Variants in NOTCH1 observed in about 807,000 individuals in gnomAD.
The protein encoded by NOTCH1 is neurogenic locus notch homolog protein 1.
In NOTCH1, 37 loss-of-function variants were observed where a neutral mutation model predicts 254.8. That is an observed-to-expected ratio of 0.15 (90% confidence interval 0.11 to 0.19). NOTCH1 has a LOEUF of 0.19. Among genes scored for constraint, NOTCH1 ranks in the 10% least tolerant of loss-of-function variants. The pLI, the probability that NOTCH1 is intolerant of heterozygous loss-of-function variation, is 1.00. For synonymous variants in NOTCH1, 1,731 were observed against 1,618.1 expected, an observed-to-expected ratio of 1.07 and a Z score of -1.68; for missense variants, 2,972 against 3,708.6, an observed-to-expected ratio of 0.80 and a Z score of 5.16.
chr9:136,541,531 G>A (rs192134599), intron 2 of NOTCH1, among the ~76,000 whole-genome samples: 1 of 152,170 alleles, frequency 6.6e-6, no homozygotes, highest in African/African-American at 2.4e-5. Flanking sequence ...AGACTCTTTC[G>A]AGAAACAGTG....
chr9:136,502,883 C>T (rs759369505), intron 27 of NOTCH1: 10 of 619,554 alleles, frequency 1.6e-5, no homozygotes, highest in Middle Eastern at 2.5e-4. Context: ...TAAAAAAAGC[C>T]GTAATGATTT....
In NOTCH1 at chr9:136,499,368, G is replaced by A. The variant is rs1331044795; in HGVS notation, c.5935-109C>T. 5.4e-6 allele frequency: 8 copies of A among 1,472,074 alleles called. No individual in the cohort carries two copies. In the Admixed American group the frequency reaches 9.7e-5, roughly 18 times the overall value. 91.2% of individuals were successfully genotyped at this position (1,472,074 alleles called of 1,614,324 possible). On this transcript the variant is annotated intron_variant, in intron 31 of 33. Coordinates refer to ENST00000651671, the MANE Select transcript of NOTCH1 (RefSeq NM_017617.5). The stretch of plus-strand genomic sequence containing the variant: ...GCCCCACTGTCTTCCGGACACAGAC[G>A]AGACCCTCCTGAGATCGGCACGGCC...
chr9:136,512,904 G>GC, intron 15 of NOTCH1, 117 bp downstream of exon 15: 60 of 558,374 alleles, frequency 1.1e-4, no homozygotes, highest in South Asian at 3.3e-4. Flanking sequence ...GGCTTCCCAG[G>GC]CCGCCCCCAC....
In NOTCH1 at chr9:136,497,367, C is replaced by A. The variant is rs1318187322; in HGVS notation, c.6372G>T (p.Leu2124=). The part of the protein sequence containing the change: ...DEYNLVRSPQ[L]HGAPLGGTPT... Reference sequence around the variant, plus strand: ...GCGTGCCCCCCAGCGGGGCTCCGTGCAGCTGCGGGCTGCGCACCAGGTTGT... The same window carrying A: ...GCGTGCCCCCCAGCGGGGCTCCGTGAAGCTGCGGGCTGCGCACCAGGTTGT... Residue 2124 remains leucine, a synonymous_variant, in exon 34 of 34, where the codon CTG becomes CTT. Transcript: ENST00000651671. The A allele has an allele frequency of 1.2e-6, 2 of 1,607,642 alleles. No homozygotes were observed. Among genetic ancestry groups the A allele is most frequent in the South Asian group, 1.1e-5 (1 of 91,030 alleles).
rs768185441 is a variant in NOTCH1 at position 136,518,099 on chromosome 9, C to A, written c.1255+38G>T. 4.5e-6 allele frequency: 7 copies of A among 1,564,690 alleles called. No homozygotes were observed. The African/African-American group carries it at 9.5e-5, about 21-fold the overall frequency. ...CTCATCGGTTCTGGGGCCAGGCTGC[C>A]ACCCCCACCTGGCCGCACCCCCTGT... is the stretch of plus-strand genomic sequence containing the variant. On this transcript the variant is annotated intron_variant, in intron 7 of 33. Coordinates refer to ENST00000651671, the MANE Select transcript of NOTCH1 (RefSeq NM_017617.5).
At position 136,513,057 on chromosome 9, in the gene NOTCH1, C is replaced by T; in HGVS notation, c.2431G>A (p.Ala811Thr). Residue 811 changes from alanine to threonine, a missense_variant, in exon 15 of 34, where the codon GCC (alanine) becomes ACC (threonine). By Grantham distance (58) the Ala-to-Thr change is moderately conservative. Transcript: ENST00000651671. This position sits in a 1 kb window ranked among gnomAD's most constrained non-coding sequence, Gnocchi z 4.7. ...AGCAGGCAGTTGCACTTGTACCCGG[C>T]AACGTCGTCAATACACGTGCCCTGG... ...LNQGTCIDDV[A>T]GYKCNCLLPY... The T allele has an allele frequency of 6.2e-7, 1 of 1,611,892 alleles. No homozygotes were observed. The highest frequency in any genetic ancestry group is 8.5e-7 in the Non-Finnish European group (1 of 1,179,708).
Position 136,510,778 on chromosome 9 carries a change from T to G in NOTCH1, c.2615A>C (p.Glu872Ala), listed in dbSNP as rs774605993. ...QGQTCEVDIN[E>A]CVLSPCRHGA... ...GTGCCGGCACGGGCTCAGAACGCAC[T>G]CGTTGATGTCGACCTCACAGGTCTG... The change falls in exon 17 of 34, where the codon GAG (glutamate) becomes GCG (alanine). Residue 872 changes from glutamate to alanine, a missense_variant. Physicochemically the swap from Glu to Ala is moderately radical, Grantham distance 107. Coordinates refer to ENST00000651671, the MANE Select transcript of NOTCH1 (RefSeq NM_017617.5). 6.2e-7 allele frequency: 1 copy of G among 1,610,068 alleles called. No individual in the cohort carries two copies. The highest frequency in any genetic ancestry group is 8.5e-7 in the Non-Finnish European group (1 of 1,179,846).
chr9:136,511,856 C>A (rs1212870209), intron 15 of NOTCH1, among the ~76,000 whole-genome samples: 1 of 152,206 alleles, frequency 6.6e-6, no homozygotes, highest in African/African-American at 2.4e-5. Context: ...TCCAGGGCCA[C>A]GCAGGGTGTC....
At chr9:136,542,544 CAAAAAA>C (rs1174860714) in intron 2 of NOTCH1, among the ~76,000 whole-genome samples, 1 of 52,506 alleles carries the variant, frequency 1.9e-5, no homozygotes, top group Non-Finnish European at 4.2e-5. Flanking sequence ...CCCCAAAAAG[CAAAAAA>C]AAAAAAAAAA....
In NOTCH1 at chr9:136,504,673, C is replaced by A; in HGVS notation, c.5018G>T (p.Gly1673Val). ...RRELDPMDVR[G>V]SIVYLEIDNR... ...ACCGTGGGCGCCGGGTCTCACTCAC[C>A]CGCGGACGTCCATGGGGTCCAGCTC... Residue 1673 changes from glycine to valine, a missense_variant and splice_region_variant, in exon 26 of 34, where the codon GGC becomes GTC. Physicochemically the swap from Gly to Val is moderately radical, Grantham distance 109 (BLOSUM62 -3). Around this residue, in one of 8 missense-constraint regions of NOTCH1, gnomAD observed 1,343 missense variants for 1,557.0 expected, o/e 0.86. Coordinates refer to ENST00000651671, the MANE Select transcript of NOTCH1 (RefSeq NM_017617.5). 1.3e-6 allele frequency: 2 copies of A among 1,509,514 alleles called. No individual in the cohort carries two copies. The highest frequency in any genetic ancestry group is 1.8e-6 in the Non-Finnish European group (2 of 1,125,804). 93.5% of individuals were successfully genotyped at this position (1,509,514 alleles called of 1,614,324 possible). A position where few individuals can be genotyped will look rare whatever the true frequency, so the allele number is the denominator to read the frequency against.
In NOTCH1 at chr9:136,518,225, G is replaced by A. The variant is rs750810434; in HGVS notation, c.1167C>T (p.Thr389=). Residue 389 remains threonine (T), a synonymous_variant, in exon 7 of 34, where the codon ACC becomes ACT. Transcript: ENST00000651671. ...NPCNEGSNCD[T]NPVNGKAICT... ...AGATGGCCTTGCCATTGACAGGGTT[G>A]GTGTCGCAGTTGGAGCCCTCGTTAC... 1.2e-5 allele frequency: 19 copies of A among 1,609,664 alleles called. 1 individual carries two copies. Among genetic ancestry groups the A allele is most frequent in the African/African-American group, 1.3e-5 (1 of 75,020 alleles).
At chr9:136,520,123 C>G (rs986212085) in intron 4 of NOTCH1, among the ~76,000 whole-genome samples, 2 of 152,216 alleles carry the variant, frequency 1.3e-5, no homozygotes, top group African/African-American at 4.8e-5. Flanking sequence ...GCCCCCTCCC[C>G]CGAGGTATGG....
chr9:136,512,854 G>A (rs1002612179), intron 15 of NOTCH1, among the ~76,000 whole-genome samples, 167 bp downstream of exon 15: 1 of 152,040 alleles, frequency 6.6e-6, no homozygotes, highest in African/African-American at 2.4e-5. Flanking sequence ...CTTCTGGAAG[G>A]CCCCGCCCCA....
chr9:136,515,688 G>A lies in NOTCH1; in HGVS notation c.1698C>T (p.Asp566=), dbSNP rs541992446. ...EGYTGTHCEV[D]IDECDPDPCH... is the part of the protein sequence containing the mutation. ...AGGGGTCGGGGTCGCACTCATCGATGTCCACCTCGCAGTGCGTCCCCGTGT... is the reference window on the plus strand; with the variant it reads ...AGGGGTCGGGGTCGCACTCATCGATATCCACCTCGCAGTGCGTCCCCGTGT... The change falls in exon 11 of 34, where the codon GAC becomes GAT. Residue 566 remains aspartate (D), a synonymous_variant. Coordinates refer to ENST00000651671, the MANE Select transcript of NOTCH1 (RefSeq NM_017617.5). 2.8e-5 allele frequency: 44 copies of A among 1,551,776 alleles called. No individual in the cohort carries two copies. The South Asian group carries it at 5.0e-4, about 18-fold the overall frequency.
At chr9:136,518,049 C>T (rs968741181) in intron 7 of NOTCH1, 88 bp downstream of exon 7, 28 of 1,553,352 alleles carry the variant, frequency 1.8e-5, no homozygotes, top group African/African-American at 2.7e-5. Context: ...TCTAACTGGG[C>T]ACCCCCTGAA....
intron 16 of NOTCH1, 118 bp from the exon 17 acceptor site, chr9:136,510,923 C>G: frequency 1.4e-6 from 2 of 1,442,898 alleles, no homozygotes; most frequent in Non-Finnish European, 1.9e-6. Context: ...TTCCGTGACC[C>G]CAGGACCATC....
chr9:136,516,757 G>A (rs2133366408), intron 9 of NOTCH1, among the ~76,000 whole-genome samples: 1 of 152,238 alleles, frequency 6.6e-6, no homozygotes, highest in Admixed American at 6.5e-5. Flanking sequence ...GATCAAGGAG[G>A]ATCTCCTGGC....
rs1435648862 is a variant in NOTCH1 at position 136,505,102 on chromosome 9, G to A, written c.4589C>T (p.Pro1530Leu). 4.4e-6 allele frequency: 7 copies of A among 1,607,938 alleles called. No individual in the cohort carries two copies. In the East Asian group the frequency reaches 1.1e-4, roughly 26 times the overall value. ...GTCCTTGCAGTACTGGTCGTACAGG[G>A]GGCTGTGGGGGGCGGGACACGCTCA... ...DCQRAEGQCNPLYDQYCKDHF... is the reference protein window; with the variant it reads ...DCQRAEGQCNLLYDQYCKDHF... Residue 1530 changes from proline (P) to leucine (L), a missense_variant and splice_region_variant, in exon 26 of 34, where the codon CCC becomes CTC. Physicochemically the swap from Pro to Leu is moderately conservative, Grantham distance 98. Transcript: ENST00000651671.
chr9:136,505,233 A>G, intron 25 of NOTCH1, 77 bp downstream of exon 25: 1 of 1,528,034 alleles, frequency 6.5e-7, no homozygotes, highest in Non-Finnish European at 8.8e-7. Flanking sequence ...TTAGAACTGC[A>G]TGCTGGCCTC....
Sources: allele counts gnomAD v4.1 joint callset (sites outside exome capture counted in the v4.1 genomes callset), GRCh38; gene constraint gnomAD v4.1.1; regional missense constraint gnomAD v4.1.1; non-coding constraint Gnocchi (gnomAD v3.1); transcripts MANE v1.5; gene names NCBI Gene and HGNC (gene_info 2026-07-23, HGNC 2026-07-21).